The following SLC43A1 variants were observed in gnomAD, a reference collection of about 807,000 sequenced individuals.
SLC43A1 encodes solute carrier family 43 member 1, also known as large neutral amino acids transporter small subunit 3.
SLC43A1 carries 31 observed loss-of-function variants against 59.5 expected under a neutral mutation model. The ratio of observed to expected loss-of-function variants is 0.52; its 90% CI spans 0.39 to 0.70. The LOEUF (loss-of-function observed/expected upper bound fraction) is 0.70. Ranked by LOEUF, SLC43A1 falls within the 30% of genes least tolerant of loss-of-function variation. The pLI, the probability that SLC43A1 is intolerant of heterozygous loss-of-function variation, is 0.00. For missense variants in SLC43A1, 598 were observed against 717.8 expected, an observed-to-expected ratio of 0.83 and a Z score of 1.91; for synonymous variants, 259 against 290.9, an observed-to-expected ratio of 0.89 and a Z score of 1.12.
At chr11:57,488,862 T>G (rs1275909025) in intron 13 of SLC43A1, 54 bp downstream of exon 13, 8 of 1,479,988 alleles carry the variant, frequency 5.4e-6, no homozygotes, top group Non-Finnish European at 7.6e-6. Flanking sequence ...TTCCCTGGGG[T>G]TCTCTGATCA....
intron 7 of SLC43A1, among the ~76,000 whole-genome samples, chr11:57,494,836 G>A (rs946769343): frequency 6.6e-5 from 10 of 151,482 alleles, no homozygotes; most frequent in Non-Finnish European, 1.5e-4. Context: ...GATGAAAACA[G>A]TATTTGTCAT....
chr11:57,510,067 A>G (rs192854610), intron 2 of SLC43A1, among the ~76,000 whole-genome samples: 1 of 151,508 alleles, frequency 6.6e-6, no homozygotes, highest in Non-Finnish European at 1.5e-5. Context: ...AAAGCCAATA[A>G]GCACAGGAAA....
At chr11:57,512,589 G>C (rs972481875) in intron 2 of SLC43A1, among the ~76,000 whole-genome samples, 5 of 151,674 alleles carry the variant, frequency 3.3e-5, no homozygotes, top group African/African-American at 1.2e-4. Flanking sequence ...CAGGTGTCAA[G>C]GGCAGGCAGG....
chr11:57,495,953 C>A lies in SLC43A1; in HGVS notation c.692+78G>T, dbSNP rs980282526. The A allele has an allele frequency of 2.9e-5, 44 of 1,522,440 alleles. No homozygotes were observed. In the African/African-American group the frequency reaches 4.8e-4, roughly 17 times the overall value. The allele number at this position is 1,522,440 out of a possible 1,614,324, so 94.3% of individuals were successfully genotyped here. On this transcript the variant is annotated intron_variant, in intron 7 of 14. Coordinates refer to ENST00000278426, the MANE Select transcript of SLC43A1 (RefSeq NM_003627.6). ...GGTCCAAGCCGAGGTCTCTCTGAAT[C>A]CAAAGTTAATTCCGTCTATCATATC...
intron 2 of SLC43A1, among the ~76,000 whole-genome samples, chr11:57,506,887 A>G (rs2135212349): frequency 1.3e-5 from 2 of 152,364 alleles, no homozygotes; most frequent in Middle Eastern, 6.8e-3. Flanking sequence ...TTGGGCACTT[A>G]TGCTGGATAT....
At chr11:57,505,753 T>G (rs1944379905) in intron 2 of SLC43A1, among the ~76,000 whole-genome samples, 1 of 152,054 alleles carries the variant, frequency 6.6e-6, no homozygotes, top group African/African-American at 2.4e-5. Flanking sequence ...ATCATGAAGG[T>G]AAACTGCAAA....
chr11:57,487,266 C>A (rs766090622), intron 13 of SLC43A1, 48 bp from the exon 14 acceptor site: 4 of 1,590,456 alleles, frequency 2.5e-6, no homozygotes, highest in Admixed American at 1.7e-5. Context: ...CTCTCCAGCC[C>A]AGGCCAGCAC....
intron 2 of SLC43A1, among the ~76,000 whole-genome samples, chr11:57,508,189 C>A (rs1944433697): frequency 6.6e-6 from 1 of 151,668 alleles, no homozygotes; most frequent in African/African-American, 2.4e-5. Flanking sequence ...ATCGCTTGAA[C>A]CTGGGAGGCG....
chr11:57,485,025 C>A lies in SLC43A1; in HGVS notation c.*71G>T. 6.7e-7 allele frequency: 1 copy of A among 1,499,262 alleles called. No homozygotes were observed. Among genetic ancestry groups the A allele is most frequent in the Non-Finnish European group, 8.9e-7 (1 of 1,119,686 alleles). 92.9% of individuals were successfully genotyped at this position (1,499,262 alleles called of 1,614,324 possible). ...TATGTGCATGTTACAGGTAGAAAAG[C>A]CATATGGGGCACTCCTTTTGGTTGC... On this transcript the variant is annotated 3_prime_UTR_variant, in exon 15 of 15. Coordinates refer to ENST00000278426, the MANE Select transcript of SLC43A1 (RefSeq NM_003627.6).
intron 7 of SLC43A1, 86 bp from the exon 8 acceptor site, chr11:57,494,257 G>A: frequency 7.8e-7 from 1 of 1,288,252 alleles, no homozygotes; most frequent in East Asian, 2.6e-5. Context: ...CATCCCAGCG[G>A]TTTCCAGCAC....
chr11:57,487,333 C>T (rs924011146), intron 13 of SLC43A1, 115 bp from the exon 14 acceptor site: 6 of 1,300,652 alleles, frequency 4.6e-6, no homozygotes, highest in South Asian at 3.0e-5. Flanking sequence ...GGTGCTTAAG[C>T]GTTCGGGCTC....
chr11:57,485,321 C>T, intron 14 of SLC43A1, 79 bp from the exon 15 acceptor site: 2 of 1,383,872 alleles, frequency 1.4e-6, no homozygotes, highest in South Asian at 1.5e-5. Flanking sequence ...AGAAGGCGGC[C>T]ATTTTTCTCC....
chr11:57,513,043 T>A (rs1944594000), intron 2 of SLC43A1, among the ~76,000 whole-genome samples: 1 of 152,098 alleles, frequency 6.6e-6, no homozygotes, highest in African/African-American at 2.4e-5. Flanking sequence ...CACTGCAGAC[T>A]CTCACAGCAC....
In SLC43A1 at chr11:57,491,585, C is replaced by A. The variant is rs2135156546; in HGVS notation, c.1054+6G>T. On this transcript the variant is annotated splice_donor_region_variant and intron_variant, in intron 10 of 14. Coordinates refer to ENST00000278426, the MANE Select transcript of SLC43A1 (RefSeq NM_003627.6). ...GTGAGCCAGGGCCCTGCTTTCATAG[C>A]CCTACCTGTCTCTGCCACCTTTTGT... 1.9e-6 allele frequency: 3 copies of A among 1,614,102 alleles called. No individual in the cohort carries two copies. The highest frequency in any genetic ancestry group is 2.5e-6 in the Non-Finnish European group (3 of 1,180,010).
intron 6 of SLC43A1, 63 bp downstream of exon 6, chr11:57,497,690 T>C: frequency 7.8e-7 from 1 of 1,289,116 alleles, no homozygotes; most frequent in Non-Finnish European, 1.1e-6. Flanking sequence ...CACTAGCTGC[T>C]GCTCACTCGG....
At chr11:57,507,263 T>A (rs1944414497) in intron 2 of SLC43A1, among the ~76,000 whole-genome samples, 1 of 151,890 alleles carries the variant, frequency 6.6e-6, no homozygotes, top group Non-Finnish European at 1.5e-5. Flanking sequence ...AGGCCAGGGG[T>A]TCTAGATCAG....
intron 14 of SLC43A1, 94 bp downstream of exon 14, chr11:57,487,001 C>G: frequency 1.4e-6 from 2 of 1,396,026 alleles, no homozygotes; most frequent in Non-Finnish European, 2.0e-6. Flanking sequence ...GTGCCTCTGG[C>G]TGAGATGAGT....
Position 57,514,036 on chromosome 11 carries a change from A to G in SLC43A1, c.76T>C (p.Phe26Leu). 6.2e-7 allele frequency: 1 copy of G among 1,609,294 alleles called. No homozygotes were observed. The highest frequency in any genetic ancestry group is 1.7e-5 in the Admixed American group (1 of 59,402). Residue 26 changes from phenylalanine (F) to leucine (L), a missense_variant, in exon 2 of 15, where the codon TTC becomes CTC. By Grantham distance (22) the Phe-to-Leu change is conservative (BLOSUM62 0). Transcript: ENST00000278426. This position sits in a 1 kb window ranked among gnomAD's most constrained non-coding sequence, Gnocchi z 5.5. ...ACTAVLENLFFSAVLLGWGSL... is the reference protein window; with the variant it reads ...ACTAVLENLFLSAVLLGWGSL... ...CCCCAGCCCAGGAGTACAGCAGAGA[A>G]GAAGAGGTTCTCCAGCACAGCCGTG...
chr11:57,487,286 C>A, intron 13 of SLC43A1, 68 bp from the exon 14 acceptor site: 1 of 1,560,808 alleles, frequency 6.4e-7, no homozygotes, highest in Admixed American at 1.7e-5. Context: ...CCTCTCCTAT[C>A]CCCTCCCCAC....
Sources: allele counts gnomAD v4.1 joint callset (sites outside exome capture counted in the v4.1 genomes callset), GRCh38; gene constraint gnomAD v4.1.1; non-coding constraint Gnocchi (gnomAD v3.1); transcripts MANE v1.5; gene names NCBI Gene and HGNC (gene_info 2026-07-23, HGNC 2026-07-21).